The following CPXM1 variants were observed in gnomAD, a reference collection of about 807,000 sequenced individuals.
The protein encoded by CPXM1 is probable carboxypeptidase X1.
In CPXM1, 72 loss-of-function variants were observed where a neutral mutation model predicts 80.4. That is an observed-to-expected ratio of 0.90 (90% CI 0.74 to 1.09). CPXM1 has a LOEUF of 1.09. Ranked by LOEUF, CPXM1 falls within the 50% of genes least tolerant of loss-of-function variation. CPXM1 has a pLI of 0.00. For synonymous variants in CPXM1, 403 were observed against 405.6 expected (o/e 0.99, Z 0.08); for missense variants, 892 against 999.4 (o/e 0.89, Z 1.45).
At chr20:2,798,621 C>A (rs963623402) in intron 2 of CPXM1, 84 bp from the exon 3 acceptor site, 1 of 1,540,170 alleles carries the variant, frequency 6.5e-7, no homozygotes. Flanking sequence ...GTTGCTCCTG[C>A]GCTAGGCAAG....
In CPXM1 at chr20:2,796,453, C is replaced by T. The variant is rs776705207; in HGVS notation, c.1046-10G>A. 3 of 1,613,564 alleles carry T rather than the reference C, an allele frequency of 1.9e-6. No individual in the cohort carries two copies. In the South Asian group the frequency reaches 3.3e-5, roughly 18 times the overall value. ...CGCACCTCAGGCTCCCCTGGGGACA[C>T]ATGGGGGCTTGCAGCGGGTTCATGC... On this transcript the variant is annotated splice_polypyrimidine_tract_variant and intron_variant, in intron 8 of 13. Transcript: ENST00000380605. The surrounding 1 kb of genome is among the most constrained non-coding windows in gnomAD (Gnocchi z 6.8).
chr20:2,800,074 T>C (rs2088551483), intron 1 of CPXM1, among the ~76,000 whole-genome samples: 1 of 151,002 alleles, frequency 6.6e-6, no homozygotes, highest in African/African-American at 2.4e-5. Context: ...GTTGAGGGAG[T>C]GTGAGTGTGT....
chr20:2,794,249 C>T lies in CPXM1; in HGVS notation c.2146G>A (p.Ala716Thr). ...QRLRELLAAG[A>T]KVPPDLRRRL... ...CTGCGAAGGTCCGGGGGCACCTTGG[C>T]CCCAGCTGCCAGCAGCTCGCGCAGC... The change falls in exon 14 of 14, where the codon GCC becomes ACC. Residue 716 changes from alanine to threonine, a missense_variant. Transcript: ENST00000380605. This position sits in a 1 kb window ranked among gnomAD's most constrained non-coding sequence, Gnocchi z 5.2. 6.2e-7 allele frequency: 1 copy of T among 1,614,066 alleles called. No individual in the cohort carries two copies. Among genetic ancestry groups the T allele is most frequent in the Non-Finnish European group, 8.5e-7 (1 of 1,180,042 alleles).
In CPXM1 at chr20:2,794,522, C is replaced by T; in HGVS notation, c.1963+15G>A. The T allele has an allele frequency of 1.9e-6, 3 of 1,613,952 alleles. No homozygotes were observed. Among genetic ancestry groups the T allele is most frequent in the Non-Finnish European group, 2.5e-6 (3 of 1,179,958 alleles). ...GCCCTCCAGCCCCTTCCCTTGCCCT[C>T]CCGGTCAAACACACCCGTGGTCACG... On this transcript the variant is annotated intron_variant, in intron 13 of 13. Transcript: ENST00000380605. The surrounding 1 kb of genome is among the most constrained non-coding windows in gnomAD (Gnocchi z 5.2).
Position 2,800,462 on chromosome 20 carries a change from G to C in CPXM1, c.111C>G (p.Val37=). 6.8e-7 allele frequency: 1 copy of C among 1,479,566 alleles called. No homozygotes were observed. Among genetic ancestry groups the C allele is most frequent in the Non-Finnish European group, 8.9e-7 (1 of 1,122,180 alleles). The allele number at this position is 1,479,566 out of a possible 1,614,324, so 91.7% of individuals were successfully genotyped here. A position where few individuals can be genotyped will look rare whatever the true frequency, so the allele number is the denominator to read the frequency against. Residue 37 remains valine (V), a synonymous_variant, in exon 1 of 14, where the codon GTC becomes GTG. Transcript: ENST00000380605. ...LGLAQPGTTK[V]PGSTPALHSS... ...TATGCAGGGCCGGGGTCGAGCCTGG[G>C]ACCTTGGTGGTCCCGGGCTGCGCGA...
chr20:2,794,911 G>A lies in CPXM1; in HGVS notation c.1861-272C>T, dbSNP rs1205667875. ...CTTGTCTTTGGTAGACCCTTTGGAA[G>A]CTCTGCTTATGGAGCTATTACAAGG... On this transcript the variant is annotated intron_variant, in intron 12 of 13. Coordinates refer to ENST00000380605, the MANE Select transcript of CPXM1 (RefSeq NM_019609.5). The surrounding 1 kb of genome is among the most constrained non-coding windows in gnomAD (Gnocchi z 5.2). 2.0e-5 allele frequency among the ~76,000 whole-genome samples: 3 copies of A among 152,186 alleles called. No homozygotes were observed. The highest frequency in any genetic ancestry group is 7.2e-5 in the African/African-American group (3 of 41,444).
chr20:2,799,980 C>T (rs6037412), intron 1 of CPXM1, among the ~76,000 whole-genome samples: 3 of 152,320 alleles, frequency 2.0e-5, no homozygotes, highest in African/African-American at 7.2e-5. Context: ...GGCAGCATCC[C>T]ACTGGCGCCT....
At chr20:2,799,632 C>CCCTGACT (rs1044151209) in intron 1 of CPXM1, among the ~76,000 whole-genome samples, 6 of 152,020 alleles carry the variant, frequency 3.9e-5, no homozygotes, top group African/African-American at 1.5e-4. Flanking sequence ...CTCCAGACTC[C>CCCTGACT]CCTGACTCGG....
chr20:2,800,482 G>C lies in CPXM1; in HGVS notation c.91C>G (p.Gln31Glu). The change falls in exon 1 of 14, where the codon CAG becomes GAG. Residue 31 changes from glutamine to glutamate, a missense_variant. Transcript: ENST00000380605. ...APRNSVLGLA[Q>E]PGTTKVPGST... ...CCTGGGACCTTGGTGGTCCCGGGCT[G>C]CGCGAGGCCCAGCACCGAGTTCCTG... The C allele has an allele frequency of 3.5e-6, 5 of 1,438,222 alleles. No homozygotes were observed. The highest frequency in any genetic ancestry group is 4.5e-6 in the Non-Finnish European group (5 of 1,103,212). The allele number at this position is 1,438,222 out of a possible 1,614,324, so 89.1% of individuals were successfully genotyped here.
rs763198976 is a variant in CPXM1 at position 2,796,468 on chromosome 20, C to T, written c.1046-25G>A. On this transcript the variant is annotated intron_variant, in intron 8 of 13. Transcript: ENST00000380605. This position sits in a 1 kb window ranked among gnomAD's most constrained non-coding sequence, Gnocchi z 6.8. The stretch of plus-strand genomic sequence containing the variant: ...CCTGGGGACACATGGGGGCTTGCAG[C>T]GGGTTCATGCCTGGGGCCCTGCCCT... 20 of 1,613,058 alleles carry T rather than the reference C, an allele frequency of 1.2e-5. No homozygotes were observed. The highest frequency in any genetic ancestry group is 8.8e-5 in the South Asian group (8 of 90,968).
Position 2,798,908 on chromosome 20 carries a change from G to A in CPXM1, c.173-15C>T. 1 of 1,610,392 alleles carries A rather than the reference G, an allele frequency of 6.2e-7. No individual in the cohort carries two copies. The highest frequency in any genetic ancestry group is 1.1e-5 in the South Asian group (1 of 90,592). ...TTCTGAGGTCCCTTGGGGTCCGAGA[G>A]GCACAGCATGGGGGAAAGGAAGAAT... On this transcript the variant is annotated splice_polypyrimidine_tract_variant and intron_variant, in intron 1 of 13. Transcript: ENST00000380605.
Position 2,795,425 on chromosome 20 carries a change from ACCACAGACACTGCTGCCTAAGCAGG to A in CPXM1, c.1721-34_1721-10del. 6.2e-7 allele frequency: 1 copy of A among 1,612,188 alleles called. No individual in the cohort carries two copies. Among genetic ancestry groups the A allele is most frequent in the Non-Finnish European group, 8.5e-7 (1 of 1,178,498 alleles). Reference sequence around the variant, plus strand: ...GCTGAAGTCATTCATGCCTAAGGGGACCACAGACACTGCTGCCTAAGCAGGCGGGATGCGGTCCCATCCTCCCGCT... The same window carrying A: ...GCTGAAGTCATTCATGCCTAAGGGGACGGGATGCGGTCCCATCCTCCCGCT... On this transcript the variant is annotated splice_polypyrimidine_tract_variant and intron_variant, in intron 11 of 13. Coordinates refer to ENST00000380605, the MANE Select transcript of CPXM1 (RefSeq NM_019609.5). This position sits in a 1 kb window ranked among gnomAD's most constrained non-coding sequence, Gnocchi z 5.4.
At position 2,797,353 on chromosome 20, in the gene CPXM1, C is replaced by A; in HGVS notation, c.682-11G>T. The A allele has an allele frequency of 6.8e-7, 1 of 1,473,908 alleles. No homozygotes were observed. Among genetic ancestry groups the A allele is most frequent in the East Asian group, 2.4e-5 (1 of 41,622 alleles). The allele number at this position is 1,473,908 out of a possible 1,614,324, so 91.3% of individuals were successfully genotyped here. The stretch of plus-strand genomic sequence containing the variant: ...ATTGGCAGGAAATACCTGGGGGCAG[C>A]AAGTTCTCTGTTGTGGCTGCTCAAA... On this transcript the variant is annotated splice_polypyrimidine_tract_variant and intron_variant, in intron 5 of 13. Transcript: ENST00000380605.
Position 2,799,449 on chromosome 20 carries a change from C to CA in CPXM1, c.173-557dup, listed in dbSNP as rs1170017302. 7.2e-5 allele frequency among the ~76,000 whole-genome samples: 11 copies of CA among 152,310 alleles called. No individual in the cohort carries two copies. The East Asian group carries it at 2.1e-3, about 29-fold the overall frequency. On this transcript the variant is annotated intron_variant, in intron 1 of 13. Transcript: ENST00000380605. ...ATGTCTGCCTGGGTGTCGAGGCTTT[C>CA]AGGGCTGGGCCTGCCCGCCGGCCCT...
At chr20:2,800,336 C>A in intron 1 of CPXM1, 65 bp downstream of exon 1, 2 of 1,387,996 alleles carry the variant, frequency 1.4e-6, no homozygotes, top group African/African-American at 1.5e-5. Flanking sequence ...GAGGGATCGC[C>A]CCACGGGGCA....
chr20:2,796,802 G>T lies in CPXM1; in HGVS notation c.922-152C>A, dbSNP rs1306461672. 1 of 1,173,846 alleles carries T rather than the reference G, an allele frequency of 8.5e-7. No individual in the cohort carries two copies. The highest frequency in any genetic ancestry group is 1.2e-6 in the Non-Finnish European group (1 of 834,362). 72.7% of individuals were successfully genotyped at this position (1,173,846 alleles called of 1,614,324 possible). On this transcript the variant is annotated intron_variant, in intron 7 of 13. Coordinates refer to ENST00000380605, the MANE Select transcript of CPXM1 (RefSeq NM_019609.5). This position sits in a 1 kb window ranked among gnomAD's most constrained non-coding sequence, Gnocchi z 6.8. ...CAGGAGGGGAGCGGCAGCAGAGCCG[G>T]GAGGAAGGGGTAGGACTGGGGGGGC...
At position 2,796,391 on chromosome 20, in the gene CPXM1, C is replaced by T; in HGVS notation, c.1098G>A (p.Gly366=). 1 of 1,614,118 alleles carries T rather than the reference C, an allele frequency of 6.2e-7. No homozygotes were observed. The highest frequency in any genetic ancestry group is 1.1e-5 in the South Asian group (1 of 91,090). The change falls in exon 9 of 14, where the codon GGG becomes GGA. Residue 366 remains glycine (G), a synonymous_variant. Coordinates refer to ENST00000380605, the MANE Select transcript of CPXM1 (RefSeq NM_019609.5). The surrounding 1 kb of genome is among the most constrained non-coding windows in gnomAD (Gnocchi z 6.8). Reference sequence around the variant, plus strand: ...GCATCAGGAGCAGAAGCAACTCCCGCCCCAGGGCCTCGTTCCCATGCATGC... The same window carrying T: ...GCATCAGGAGCAGAAGCAACTCCCGTCCCAGGGCCTCGTTCCCATGCATGC... ...VAGMHGNEAL[G]RELLLLLMQF... is the part of the protein sequence containing the mutation.
intron 1 of CPXM1, 104 bp downstream of exon 1, chr20:2,800,297 C>CGTGGGT (rs2088556817): frequency 3.9e-6 from 4 of 1,033,762 alleles, no homozygotes; most frequent in African/African-American, 1.7e-5. Context: ...TGTGAGTGTG[C>CGTGGGT]GTGGGTGTGC....
At position 2,798,197 on chromosome 20, in the gene CPXM1, G is replaced by A; in HGVS notation, c.545C>T (p.Thr182Ile). Residue 182 changes from threonine (T) to isoleucine (I), a missense_variant, in exon 4 of 14, where the codon ACC (threonine) becomes ATC (isoleucine). Coordinates refer to ENST00000380605, the MANE Select transcript of CPXM1 (RefSeq NM_019609.5). ...PWFQVDAGHP[T>I]RFSGVITQGR... Reference sequence around the variant, plus strand: ...CTGTGTGATAACACCCGAGAAGCGGGTGGGGTGCCCAGCGTCCACCTGAAA... The same window carrying A: ...CTGTGTGATAACACCCGAGAAGCGGATGGGGTGCCCAGCGTCCACCTGAAA... The A allele has an allele frequency of 6.2e-7, 1 of 1,614,028 alleles. No individual in the cohort carries two copies. The highest frequency in any genetic ancestry group is 8.5e-7 in the Non-Finnish European group (1 of 1,180,024).
Sources: allele counts gnomAD v4.1 joint callset (sites outside exome capture counted in the v4.1 genomes callset), GRCh38; gene constraint gnomAD v4.1.1; non-coding constraint Gnocchi (gnomAD v3.1); transcripts MANE v1.5; gene names NCBI Gene and HGNC (gene_info 2026-07-23, HGNC 2026-07-21).